The following TMTC3 variants were observed in gnomAD, a reference collection of about 807,000 sequenced individuals.
TMTC3 encodes the protein transmembrane O-mannosyltransferase targeting cadherins 3, also known as protein O-mannosyl-transferase TMTC3.
In TMTC3, 52 loss-of-function variants were observed where a neutral mutation model predicts 92.2. The observed-to-expected ratio is 0.56, with a 90% CI of 0.45 to 0.71. The LOEUF is 0.71. Ranked by LOEUF, TMTC3 falls within the 30% of genes least tolerant of loss-of-function variation. TMTC3 has a pLI of 0.00. For synonymous variants in TMTC3, 339 were observed against 363.3 expected (o/e 0.93, Z 0.76); for missense variants, 896 against 1,057.1 (o/e 0.85, Z 2.11).
At position 88,197,762 on chromosome 12, in the gene TMTC3, ATTAATAAT is replaced by A. The variant is rs2041531803; in HGVS notation, c.*2123_*2130del. 1 of 152,082 alleles carries A rather than the reference ATTAATAAT, an allele frequency of 6.6e-6. No individual in the cohort carries two copies. The highest frequency in any genetic ancestry group is 6.6e-5 in the Admixed American group (1 of 15,256). The allele number at this position is 152,082 out of a possible 1,614,324, so 9.4% of individuals were successfully genotyped here. ...ATTTAAATCAAGACCACCATAAGTC[ATTAATAAT>A]TTAATAATTGTTTTAAATCAGTGGT... On this transcript the variant is annotated 3_prime_UTR_variant, in exon 14 of 14. Transcript: ENST00000266712.
chr12:88,148,673 T>A (rs962032622), intron 2 of TMTC3, among the ~76,000 whole-genome samples, 169 bp downstream of exon 2: 3 of 152,032 alleles, frequency 2.0e-5, no homozygotes, highest in African/African-American at 4.8e-5. Flanking sequence ...AACAGGAAGC[T>A]GAGGATGAGT....
chr12:88,173,123 A>G (rs2041223466), intron 8 of TMTC3: 4 of 1,203,602 alleles, frequency 3.3e-6, no homozygotes, highest in Non-Finnish European at 4.2e-6. Context: ...TATAAAATGC[A>G]TATAGTAAGC....
chr12:88,195,383 A>T lies in TMTC3; in HGVS notation c.2479A>T (p.Ile827Leu). The T allele has an allele frequency of 6.2e-7, 1 of 1,613,928 alleles. No individual in the cohort carries two copies. ...KISSSSFIEP[I>L]FPTSKISSVE... ...TTCCTCATCTAGTTTTATAGAGCCAATATTCCCAACCAGTAAGATTTCAAG... is the reference window on the plus strand; with the variant it reads ...TTCCTCATCTAGTTTTATAGAGCCATTATTCCCAACCAGTAAGATTTCAAG... Residue 827 changes from isoleucine to leucine, a missense_variant, in exon 14 of 14, where the codon ATA becomes TTA. By Grantham distance (5) the Ile-to-Leu change is conservative. Coordinates refer to ENST00000266712, the MANE Select transcript of TMTC3 (RefSeq NM_181783.4).
chr12:88,172,657 T>C lies in TMTC3; in HGVS notation c.1111T>C (p.Phe371Leu). Residue 371 changes from phenylalanine (F) to leucine (L), a missense_variant, in exon 8 of 14, where the codon TTT (phenylalanine) becomes CTT (leucine). Physicochemically the swap from Phe to Leu is conservative, Grantham distance 22. Coordinates refer to ENST00000266712, the MANE Select transcript of TMTC3 (RefSeq NM_181783.4). ...ATCGAACCTTTTTTTTCCAGTTGGA[T>C]TTGTTGTTGCCGAGCGAGTATTATA... is the stretch of plus-strand genomic sequence containing the variant. ...PASNLFFPVGFVVAERVLYVP... is the reference protein window; with the variant it reads ...PASNLFFPVGLVVAERVLYVP... 6.3e-7 allele frequency: 1 copy of C among 1,585,942 alleles called. No individual in the cohort carries two copies. Among genetic ancestry groups the C allele is most frequent in the South Asian group, 1.2e-5 (1 of 85,836 alleles).
chr12:88,192,322 T>C (rs967513687), intron 12 of TMTC3, among the ~76,000 whole-genome samples: 1 of 152,190 alleles, frequency 6.6e-6, no homozygotes, highest in African/African-American at 2.4e-5. Context: ...ATTTGCTCTG[T>C]CCTCCTTCCT....
At chr12:88,180,204 T>A (rs1453872274) in intron 10 of TMTC3, among the ~76,000 whole-genome samples, 2 of 152,144 alleles carry the variant, frequency 1.3e-5, no homozygotes, top group Non-Finnish European at 2.9e-5. Flanking sequence ...AATTAGTAAA[T>A]AACATAAGAC....
rs1029546151 is a variant in TMTC3 at position 88,195,751 on chromosome 12, T to C, written c.*102T>C. ...AAAAAAGTTCAAGGGTTCCTAATGGTCAATCATGAGCTGCCTTGAAGTAGG... is the reference window on the plus strand; with the variant it reads ...AAAAAAGTTCAAGGGTTCCTAATGGCCAATCATGAGCTGCCTTGAAGTAGG... On this transcript the variant is annotated 3_prime_UTR_variant, in exon 14 of 14. Coordinates refer to ENST00000266712, the MANE Select transcript of TMTC3 (RefSeq NM_181783.4). 33 of 933,736 alleles carry C rather than the reference T, an allele frequency of 3.5e-5. No individual in the cohort carries two copies. The African/African-American group carries it at 5.0e-4, about 14-fold the overall frequency. The allele number at this position is 933,736 out of a possible 1,614,324, so 57.8% of individuals were successfully genotyped here.
intron 10 of TMTC3, among the ~76,000 whole-genome samples, chr12:88,182,519 C>T (rs567348480): frequency 2.0e-4 from 30 of 152,070 alleles, no homozygotes; most frequent in Admixed American, 3.3e-4. Flanking sequence ...TTTAATTTAA[C>T]CTTTTGAGGT....
At chr12:88,185,687 C>T (rs1026914682) in intron 10 of TMTC3, among the ~76,000 whole-genome samples, 1 of 152,112 alleles carries the variant, frequency 6.6e-6, no homozygotes, top group African/African-American at 2.4e-5. Context: ...GTATTTCCCA[C>T]CAGCAGTATA....
chr12:88,152,534 T>TAATA (rs1264235224), intron 2 of TMTC3, among the ~76,000 whole-genome samples: 2 of 152,220 alleles, frequency 1.3e-5, no homozygotes, highest in African/African-American at 4.8e-5. Flanking sequence ...ATAACTTTAT[T>TAATA]AATATTTTAT....
Position 88,146,362 on chromosome 12 carries a change from A to G in TMTC3, c.-28-1926A>G, listed in dbSNP as rs932759266. 2.0e-5 allele frequency among the ~76,000 whole-genome samples: 3 copies of G among 152,266 alleles called. No individual in the cohort carries two copies. In the South Asian group the frequency reaches 6.2e-4, roughly 32 times the overall value. ...AAATACGCACTAAATAGAGCCTTAT[A>G]AAGAGCTTGTGCATTGAACCTTGCC... On this transcript the variant is annotated intron_variant, in intron 1 of 13. Transcript: ENST00000266712.
intron 4 of TMTC3, among the ~76,000 whole-genome samples, chr12:88,158,688 T>A (rs1455985760): frequency 6.6e-6 from 1 of 152,182 alleles, no homozygotes; most frequent in Non-Finnish European, 1.5e-5. Flanking sequence ...ATTCATGAAT[T>A]CTGTTCTTGT....
intron 7 of TMTC3, among the ~76,000 whole-genome samples, chr12:88,169,888 A>G (rs1051972515): frequency 2.6e-5 from 4 of 151,484 alleles, no homozygotes; most frequent in East Asian, 3.9e-4. Context: ...GCAGTAGACT[A>G]TGATCATGCC....
At chr12:88,180,370 G>A (rs1276960225) in intron 10 of TMTC3, among the ~76,000 whole-genome samples, 2 of 152,154 alleles carry the variant, frequency 1.3e-5, no homozygotes, top group Non-Finnish European at 2.9e-5. Context: ...AGGCCGGGAA[G>A]GGGGTGTCTG....
Position 88,176,267 on chromosome 12 carries a change from G to A in TMTC3, c.1380G>A (p.Lys460=), listed in dbSNP as rs377571930. The part of the protein sequence containing the change: ...NNVGHALENE[K]NFERALKYFL... ...TGGGTCATGCTCTGGAAAATGAAAA[G>A]AACTTTGAGAGAGCTTTGAAATACT... The change falls in exon 10 of 14, where the codon AAG becomes AAA. Residue 460 remains lysine (K), a synonymous_variant. Coordinates refer to ENST00000266712, the MANE Select transcript of TMTC3 (RefSeq NM_181783.4). 19 of 1,612,194 alleles carry A rather than the reference G, an allele frequency of 1.2e-5. No individual in the cohort carries two copies. The highest frequency in any genetic ancestry group is 1.5e-5 in the Non-Finnish European group (18 of 1,179,132).
At chr12:88,173,126 T>A in intron 8 of TMTC3, 1 of 1,185,682 alleles carries the variant, frequency 8.4e-7, no homozygotes, top group Non-Finnish European at 1.1e-6. Flanking sequence ...AAAATGCATA[T>A]AGTAAGCAAT....
At chr12:88,177,007 T>A (rs1244461374) in intron 10 of TMTC3, among the ~76,000 whole-genome samples, 1 of 151,950 alleles carries the variant, frequency 6.6e-6, no homozygotes, top group Non-Finnish European at 1.5e-5. Flanking sequence ...GAAAGGATGG[T>A]AAGATAAGAG....
intron 6 of TMTC3, among the ~76,000 whole-genome samples, chr12:88,165,856 A>G (rs1362849547): frequency 1.3e-5 from 2 of 152,168 alleles, no homozygotes; most frequent in Non-Finnish European, 2.9e-5. Context: ...GAAGAAAAAT[A>G]TACGAATTTT....
At chr12:88,142,731 G>A (rs1429371951) in intron 1 of TMTC3, among the ~76,000 whole-genome samples, 2 of 152,196 alleles carry the variant, frequency 1.3e-5, no homozygotes, top group Non-Finnish European at 2.9e-5. Flanking sequence ...TGAGAGCCGC[G>A]CAGCCGTGAT....
Sources: gnomAD v4.1 joint callset for allele counts (sites outside exome capture counted in the v4.1 genomes callset) on GRCh38, gnomAD v4.1.1 for gene constraint, MANE v1.5 for transcripts, NCBI Gene and HGNC (gene_info 2026-07-23, HGNC 2026-07-21) for gene names.